Variants in USH2A observed in about 807,000 individuals in gnomAD.
USH2A encodes the protein Usher syndrome 2A (autosomal recessive, mild).
USH2A carries 443 observed loss-of-function variants against 538.9 expected under a neutral mutation model. That is an observed-to-expected ratio of 0.82 (90% CI 0.76 to 0.89). USH2A has a LOEUF of 0.89. Among genes scored for constraint, USH2A ranks in the 40% least tolerant of loss-of-function variants. The pLI, the probability that USH2A is intolerant of heterozygous loss-of-function variation, is 0.00. For missense variants in USH2A, 6,633 were observed against 6,324.8 expected (o/e 1.05, Z -1.65); for synonymous variants, 2,413 against 2,273.5 (o/e 1.06, Z -1.75).
chr1:216,039,914 T>A (rs1162164550), intron 32 of USH2A, among the ~76,000 whole-genome samples: 1 of 151,984 alleles, frequency 6.6e-6, no homozygotes. Context: ...AAAAAAAGTT[T>A]TAGCACTTTT....
At chr1:216,213,650 GA>G (rs2035288296) in intron 15 of USH2A, among the ~76,000 whole-genome samples, 1 of 151,380 alleles carries the variant, frequency 6.6e-6, no homozygotes, top group East Asian at 1.9e-4. Flanking sequence ...TAAAAATGGA[GA>G]ATTTTTTTTT....
intron 3 of USH2A, among the ~76,000 whole-genome samples, chr1:216,411,578 TC>T (rs2039490988): frequency 6.6e-6 from 1 of 152,134 alleles, no homozygotes; most frequent in Non-Finnish European, 1.5e-5. Context: ...CTAAGGAGCA[TC>T]AAGGATTGCT....
intron 30 of USH2A, among the ~76,000 whole-genome samples, chr1:216,064,443 C>A (rs919979770): frequency 6.6e-6 from 1 of 151,068 alleles, no homozygotes; most frequent in African/African-American, 2.4e-5. Flanking sequence ...AGAAAACCCA[C>A]AAAAACATGG....
At chr1:215,900,028 C>T (rs1393123872) in intron 40 of USH2A, 47 bp downstream of exon 40, 2 of 1,612,628 alleles carry the variant, frequency 1.2e-6, no homozygotes, top group African/African-American at 2.7e-5. Flanking sequence ...ACATTTTAAG[C>T]TCCCTATGTA....
rs370672359 is a variant in USH2A, at chr1:216,300,255, C to A, written c.1645-7885G>T. On this transcript the variant is annotated intron_variant, in intron 9 of 71. Coordinates refer to ENST00000307340, the MANE Select transcript of USH2A (RefSeq NM_206933.4). ...TGTGTGTATCTTATATTTTAGGCAGCTCCTGAAGCAAATGGTTTTCTATTT... is the reference window on the plus strand; with the variant it reads ...TGTGTGTATCTTATATTTTAGGCAGATCCTGAAGCAAATGGTTTTCTATTT... Among the ~76,000 whole-genome samples, 167 of 152,310 alleles carry A rather than the reference C, an allele frequency of 1.1e-3. 4 individuals carry two copies. The highest frequency in any genetic ancestry group is 3.8e-3 in the African/African-American group (159 of 41,580).
At chr1:216,284,417 G>A (rs919783161) in intron 11 of USH2A, among the ~76,000 whole-genome samples, 1 of 152,140 alleles carries the variant, frequency 6.6e-6, no homozygotes, top group African/African-American at 2.4e-5. Context: ...CTGTCACCAT[G>A]TGAAGAAGGA....
chr1:216,115,772 A>G (rs2032993968), intron 21 of USH2A, among the ~76,000 whole-genome samples: 1 of 151,936 alleles, frequency 6.6e-6, no homozygotes, highest in Non-Finnish European at 1.5e-5. Flanking sequence ...TTGGAAAACA[A>G]TTGTGTCTCA....
At chr1:216,373,308 C>T (rs961104436) in intron 3 of USH2A, among the ~76,000 whole-genome samples, 14 of 152,084 alleles carry the variant, frequency 9.2e-5, no homozygotes, top group African/African-American at 1.9e-4. Flanking sequence ...AAGATGAGAA[C>T]GTGAAAATAT....
chr1:216,386,575 T>C (rs1183372554), intron 3 of USH2A, among the ~76,000 whole-genome samples: 1 of 146,982 alleles, frequency 6.8e-6, no homozygotes, highest in Non-Finnish European at 1.5e-5. Context: ...ATGCTGGGTG[T>C]GGTGTCTCAT....
intron 61 of USH2A, among the ~76,000 whole-genome samples, chr1:215,683,238 C>A (rs1476285867): frequency 2.0e-5 from 1 of 50,422 alleles, no homozygotes; most frequent in African/African-American, 5.3e-5. Context: ...CACACACACA[C>A]ACACACACAC....
intron 20 of USH2A, among the ~76,000 whole-genome samples, chr1:216,189,400 C>G (rs2034671185): frequency 6.6e-6 from 1 of 151,854 alleles, no homozygotes; most frequent in Admixed American, 6.6e-5. Flanking sequence ...GTGTCTTAAC[C>G]TCCTTACACA....
At chr1:215,811,730 A>C (rs1180471054) in intron 49 of USH2A, among the ~76,000 whole-genome samples, 1 of 151,876 alleles carries the variant, frequency 6.6e-6, no homozygotes, top group Non-Finnish European at 1.5e-5. Context: ...AACATGGAGA[A>C]AGCCTGTCTC....
At chr1:215,921,531 C>T (rs1177463220) in intron 38 of USH2A, among the ~76,000 whole-genome samples, 1 of 152,008 alleles carries the variant, frequency 6.6e-6, no homozygotes, top group African/African-American at 2.4e-5. Flanking sequence ...TTTGACCCTA[C>T]TATAGAGTCA....
At chr1:216,237,397 T>G (rs1397891280) in intron 13 of USH2A, among the ~76,000 whole-genome samples, 1 of 151,590 alleles carries the variant, frequency 6.6e-6, no homozygotes, top group Non-Finnish European at 1.5e-5. Context: ...AGATAAATAT[T>G]GAGTTAGTTA....
At chr1:216,344,166 C>T (rs2038130152) in intron 4 of USH2A, among the ~76,000 whole-genome samples, 1 of 151,936 alleles carries the variant, frequency 6.6e-6, no homozygotes, top group Admixed American at 6.6e-5. Context: ...TTTACTTATG[C>T]ACATTTCCAA....
intron 15 of USH2A, among the ~76,000 whole-genome samples, chr1:216,211,727 G>T (rs1223234062): frequency 6.6e-6 from 1 of 152,144 alleles, no homozygotes; most frequent in African/African-American, 2.4e-5. Flanking sequence ...ATCTCATAAT[G>T]ACACATGAGA....
At chr1:216,014,958 A>C (rs2102496092) in intron 32 of USH2A, among the ~76,000 whole-genome samples, 1 of 152,210 alleles carries the variant, frequency 6.6e-6, no homozygotes, top group South Asian at 2.1e-4. Context: ...ATATCTTCTT[A>C]TTTGTTTCTA....
intron 62 of USH2A, among the ~76,000 whole-genome samples, chr1:215,676,924 C>G (rs972948313): frequency 1.3e-5 from 2 of 152,300 alleles, no homozygotes; most frequent in South Asian, 4.1e-4. Context: ...CTTTAAACTT[C>G]TATCCATACA....
intron 3 of USH2A, among the ~76,000 whole-genome samples, chr1:216,375,739 T>A (rs1373532076): frequency 1.3e-5 from 2 of 152,184 alleles, no homozygotes; most frequent in African/African-American, 4.8e-5. Context: ...TTTCAACCTG[T>A]CAACTTTCTA....
Sources: gnomAD v4.1 joint callset for allele counts (sites outside exome capture counted in the v4.1 genomes callset) on GRCh38, gnomAD v4.1.1 for gene constraint, MANE v1.5 for transcripts, NCBI Gene and HGNC (gene_info 2026-07-23, HGNC 2026-07-21) for gene names.